SLC4A4: variants seen among roughly 807,000 people sequenced by gnomAD.
SLC4A4 encodes the protein electrogenic sodium bicarbonate cotransporter 1.
Under a neutral mutation model 111.5 loss-of-function variants are expected in SLC4A4, and 27 were observed. That is an observed-to-expected ratio of 0.24 (90% confidence interval 0.18 to 0.33). The LOEUF (loss-of-function observed/expected upper bound fraction) is 0.33, where lower values mean the gene tolerates loss of function less well. Among genes scored for constraint, SLC4A4 ranks in the 10% least tolerant of loss-of-function variants. The pLI, the probability that SLC4A4 is intolerant of heterozygous loss-of-function variation, is 1.00. For missense variants in SLC4A4, 909 were observed against 1,315.5 expected, an observed-to-expected ratio of 0.69 and a Z score of 4.78; for synonymous variants, 443 against 463.4, an observed-to-expected ratio of 0.96 and a Z score of 0.57.
intron 3 of SLC4A4, among the ~76,000 whole-genome samples, chr4:71,336,407 GC>G (rs1560420164): frequency 6.6e-6 from 1 of 152,160 alleles, no homozygotes; most frequent in Non-Finnish European, 1.5e-5. Flanking sequence ...CTTGTTGTTA[GC>G]TATAAAGGTA....
intron 1 of SLC4A4, among the ~76,000 whole-genome samples, chr4:71,220,113 C>T (rs1464603702): frequency 2.0e-5 from 3 of 152,242 alleles, no homozygotes; most frequent in Admixed American, 2.0e-4. Context: ...GGGTAAAATG[C>T]TGTTCAACAG....
chr4:71,463,392 G>A (rs1727018343), intron 12 of SLC4A4, among the ~76,000 whole-genome samples: 1 of 152,144 alleles, frequency 6.6e-6, no homozygotes, highest in African/African-American at 2.4e-5. Flanking sequence ...TTAAACTACA[G>A]TTATTCATTA....
chr4:71,474,993 A>C (rs1728228606), intron 14 of SLC4A4, among the ~76,000 whole-genome samples: 1 of 151,830 alleles, frequency 6.6e-6, no homozygotes, highest in Non-Finnish European at 1.5e-5. Flanking sequence ...CCCTTCAGTC[A>C]GTGCTTCAGG....
chr4:71,446,605 A>G (rs561304026), intron 8 of SLC4A4, among the ~76,000 whole-genome samples: 62 of 152,212 alleles, frequency 4.1e-4, no homozygotes, highest in Non-Finnish European at 7.5e-4. Context: ...TTTCCTCACC[A>G]TTAAATGGGA....
chr4:71,356,167 T>C (rs1317467413), intron 5 of SLC4A4, among the ~76,000 whole-genome samples: 23 of 152,242 alleles, frequency 1.5e-4, no homozygotes, highest in Admixed American at 1.4e-3. Flanking sequence ...CATGCTGACT[T>C]GTGAGAAAGA....
In SLC4A4 at chr4:71,156,588, G is replaced by GCGCGCGCACA. The variant is rs376043069; in HGVS notation, c.-2+63797_-2+63798insGCGCGCACAC. On this transcript the variant is annotated intron_variant, in intron 2 of 26. Coordinates refer to the SLC4A4 transcript ENST00000649996. Reference sequence around the variant, plus strand: ...TGTGCGCGCATGCGCGCGCGCGCGCGCACACACACACACACACACACACAC... The same window carrying GCGCGCGCACA: ...TGTGCGCGCATGCGCGCGCGCGCGCGCGCGCGCACACACACACACACACACACACACACAC... Among the ~76,000 whole-genome samples, 605 of 138,522 alleles carry GCGCGCGCACA rather than the reference G, an allele frequency of 4.4e-3. 1 individual carries two copies. The highest frequency in any genetic ancestry group is 7.0e-3 in the Non-Finnish European group (452 of 64,568). The allele number at this position is 138,522 out of a possible 152,430, so 90.9% of individuals were successfully genotyped here. A position where few individuals can be genotyped will look rare whatever the true frequency, so the allele number is the denominator to read the frequency against.
At chr4:71,451,044 T>A (rs546274697) in intron 10 of SLC4A4, 144 bp from the exon 11 acceptor site, 2 of 688,360 alleles carry the variant, frequency 2.9e-6, no homozygotes, top group East Asian at 2.7e-5. Context: ...CTTAAAGAAC[T>A]GTCTGTTAGA....
chr4:71,561,114 A>AT (rs1736941519), intron 23 of SLC4A4, among the ~76,000 whole-genome samples: 2 of 151,724 alleles, frequency 1.3e-5, no homozygotes, highest in Admixed American at 1.3e-4. Flanking sequence ...ATCACAAATG[A>AT]TTTTTTGTGC....
At chr4:71,356,519 T>C (rs137973354) in intron 5 of SLC4A4, among the ~76,000 whole-genome samples, 2 of 152,330 alleles carry the variant, frequency 1.3e-5, no homozygotes, top group East Asian at 1.9e-4. Flanking sequence ...TGATATTAAA[T>C]ACTGTTTCCC....
chr4:71,544,250 G>C (rs554940541), intron 18 of SLC4A4, among the ~76,000 whole-genome samples: 24 of 151,964 alleles, frequency 1.6e-4, no homozygotes, highest in Non-Finnish European at 2.9e-4. Flanking sequence ...GAAAAGGTGA[G>C]GGTTAATTTA....
At chr4:71,313,354 A>C (rs898656514) in intron 3 of SLC4A4, among the ~76,000 whole-genome samples, 1 of 152,224 alleles carries the variant, frequency 6.6e-6, no homozygotes, top group Non-Finnish European at 1.5e-5. Flanking sequence ...CATATGGCCC[A>C]GAGTAATTTA....
intron 2 of SLC4A4, among the ~76,000 whole-genome samples, chr4:71,250,126 C>T (rs897441916): frequency 6.3e-5 from 8 of 126,520 alleles, no homozygotes; most frequent in African/African-American, 2.1e-4. Flanking sequence ...GCCTCTTCTA[C>T]ATTTTTCTTT....
At chr4:71,536,201 T>C (rs1164058029) in intron 18 of SLC4A4, among the ~76,000 whole-genome samples, 1 of 151,630 alleles carries the variant, frequency 6.6e-6, no homozygotes, top group Non-Finnish European at 1.5e-5. Context: ...TGGCACAGCC[T>C]TACTTCTTTA....
intron 3 of SLC4A4, among the ~76,000 whole-genome samples, chr4:71,314,037 T>A (rs1358307756): frequency 2.0e-5 from 3 of 151,968 alleles, no homozygotes; most frequent in African/African-American, 7.2e-5. Flanking sequence ...AAGGTCTAAT[T>A]TCCAGAATCT....
Position 71,447,167 on chromosome 4 carries a change from C to T in SLC4A4, c.966-479C>T, listed in dbSNP as rs1263053367. On this transcript the variant is annotated intron_variant, in intron 8 of 25. Transcript: ENST00000264485. ...CTTGGTTTTTGCTGATTCCCAGTCA[C>T]TTCTGAGTAGACATATTTCTTAAAA... Among the ~76,000 whole-genome samples the T allele has an allele frequency of 4.6e-5, 7 of 152,342 alleles. 1 individual carries two copies. The highest frequency in any genetic ancestry group is 3.4e-3 in the Middle Eastern group (1 of 294).
intron 20 of SLC4A4, among the ~76,000 whole-genome samples, chr4:71,551,070 C>A (rs755841117): frequency 3.3e-5 from 5 of 151,824 alleles, no homozygotes; most frequent in Admixed American, 3.3e-4. Flanking sequence ...AGAAATACTG[C>A]CTGGTAAGTG....
intron 14 of SLC4A4, among the ~76,000 whole-genome samples, chr4:71,483,716 A>G (rs1042591283): frequency 1.6e-4 from 25 of 151,960 alleles, no homozygotes; most frequent in African/African-American, 5.8e-4. Context: ...GTCAAATGTT[A>G]TTTGTGTCTC....
At chr4:71,418,155 C>T (rs1721985420) in intron 7 of SLC4A4, among the ~76,000 whole-genome samples, 1 of 152,122 alleles carries the variant, frequency 6.6e-6, no homozygotes. Flanking sequence ...AAATTTCATC[C>T]TGTTTAGGAA....
At chr4:71,285,377 G>T (rs1049049221) in intron 3 of SLC4A4, among the ~76,000 whole-genome samples, 1 of 152,132 alleles carries the variant, frequency 6.6e-6, no homozygotes, top group Non-Finnish European at 1.5e-5. Flanking sequence ...TCTGTGTGGC[G>T]ATTACCCCCA....
Sources: allele counts gnomAD v4.1 joint callset (sites outside exome capture counted in the v4.1 genomes callset), GRCh38; gene constraint gnomAD v4.1.1; transcripts MANE v1.5; gene names NCBI Gene and HGNC (gene_info 2026-07-23, HGNC 2026-07-21).